Variants in SEC62 observed in about 807,000 individuals in gnomAD.
The protein encoded by SEC62 is translocation protein SEC62.
Under a neutral mutation model 47.5 loss-of-function variants are expected in SEC62, and 10 were observed. The ratio of observed to expected loss-of-function variants is 0.21; its 90% CI spans 0.13 to 0.36. The LOEUF is 0.36. Ranked by LOEUF, SEC62 falls within the 10% of genes least tolerant of loss-of-function variation. The pLI is 1.00. For missense variants in SEC62, 327 were observed against 464.1 expected (o/e 0.70, Z 2.71); for synonymous variants, 136 against 150.5 (o/e 0.90, Z 0.71).
intron 3 of SEC62, among the ~76,000 whole-genome samples, chr3:169,980,952 T>C (rs3772180): frequency 0.29 from 43,874 of 152,062 alleles, 7,691 homozygotes; most frequent in African/African-American, 0.49. Context: ...CTGGAAATCA[T>C]ATAAGTGCAC....
intron 3 of SEC62, among the ~76,000 whole-genome samples, chr3:169,979,535 G>A (rs554282187): frequency 4.0e-4 from 61 of 152,152 alleles, no homozygotes; most frequent in African/African-American, 1.3e-3. Flanking sequence ...CAGTTATGTC[G>A]TCCTCAGTCT....
Position 169,992,536 on chromosome 3 carries a change from T to A in SEC62, c.731-58T>A. The A allele has an allele frequency of 8.7e-7, 1 of 1,146,524 alleles. No individual in the cohort carries two copies. The highest frequency in any genetic ancestry group is 1.3e-6 in the Non-Finnish European group (1 of 787,570). The allele number at this position is 1,146,524 out of a possible 1,614,324, so 71.0% of individuals were successfully genotyped here. Reference sequence around the variant, plus strand: ...GTTTTCCCAGCTTTTTATTAACAAATACTCCCTTCTGAGGCAGTGTTTGAA... The same window carrying A: ...GTTTTCCCAGCTTTTTATTAACAAAAACTCCCTTCTGAGGCAGTGTTTGAA... On this transcript the variant is annotated intron_variant, in intron 7 of 7. Coordinates refer to ENST00000337002, the MANE Select transcript of SEC62 (RefSeq NM_003262.4). This position sits in a 1 kb window ranked among gnomAD's most constrained non-coding sequence, Gnocchi z 4.0.
rs1238633808 is a variant in SEC62, at chr3:169,997,500, C to T, written c.*4437C>T. The T allele has an allele frequency of 6.6e-6, 1 of 152,408 alleles. No homozygotes were observed. Among genetic ancestry groups the T allele is most frequent in the East Asian group, 1.9e-4 (1 of 5,200 alleles). 9.4% of individuals were successfully genotyped at this position (152,408 alleles called of 1,614,324 possible). On this transcript the variant is annotated 3_prime_UTR_variant, in exon 8 of 8. Transcript: ENST00000337002. ...TGTTTGTTTGAGATGGAGTCTCACTCTGTCACCCAGGCTGGAGTGCAGTGG... is the reference window on the plus strand; with the variant it reads ...TGTTTGTTTGAGATGGAGTCTCACTTTGTCACCCAGGCTGGAGTGCAGTGG...
intron 7 of SEC62, 90 bp downstream of exon 7, chr3:169,988,449 A>G: frequency 7.2e-7 from 1 of 1,380,510 alleles, no homozygotes; most frequent in Non-Finnish European, 1.0e-6. Flanking sequence ...CTTAAGAAAA[A>G]TTAATGGAGG....
chr3:169,968,949 C>G (rs543347720), intron 1 of SEC62, among the ~76,000 whole-genome samples: 23 of 152,250 alleles, frequency 1.5e-4, no homozygotes, highest in Admixed American at 3.3e-4. Flanking sequence ...GCCTAACACA[C>G]TTATGAAAAT....
rs191362539 is a variant in SEC62 at position 169,980,500 on chromosome 3, A to G, written c.252-2207A>G. ...TTATTTTCAACACAATTTGATTGAA[A>G]GTTAATAATCTACTTTTCTTTCGTG... On this transcript the variant is annotated intron_variant, in intron 3 of 7. Transcript: ENST00000337002. Among the ~76,000 whole-genome samples, 158 of 152,320 alleles carry G rather than the reference A, an allele frequency of 1.0e-3. 1 individual carries two copies. The highest frequency in any genetic ancestry group is 3.7e-3 in the African/African-American group (152 of 41,584).
At position 169,994,814 on chromosome 3, in the gene SEC62, C is replaced by T. The variant is rs978868387; in HGVS notation, c.*1751C>T. 7.9e-5 allele frequency: 12 copies of T among 152,020 alleles called. No homozygotes were observed. The highest frequency in any genetic ancestry group is 1.6e-4 in the Non-Finnish European group (11 of 67,980). The allele number at this position is 152,020 out of a possible 1,614,324, so 9.4% of individuals were successfully genotyped here. On this transcript the variant is annotated 3_prime_UTR_variant, in exon 8 of 8. Transcript: ENST00000337002. ...TACTATTACTGTGATAATACCCAGG[C>T]ACTCAATATTCATCCTGAAATTTTT...
At chr3:169,989,601 A>G (rs1434930766) in intron 7 of SEC62, among the ~76,000 whole-genome samples, 4 of 151,792 alleles carry the variant, frequency 2.6e-5, no homozygotes, top group African/African-American at 9.7e-5. Flanking sequence ...AAATTTAGAA[A>G]CTCCTTGGAA....
chr3:169,966,838 A>C lies in SEC62; in HGVS notation c.16A>C (p.Arg6=), dbSNP rs1454769251. The C allele has an allele frequency of 2.1e-5, 33 of 1,555,678 alleles. No homozygotes were observed. Among genetic ancestry groups the C allele is most frequent in the Non-Finnish European group, 2.7e-5 (31 of 1,149,414 alleles). MAERR[R]HKKRIQEVGE... ...AGCGGCCAACATGGCGGAACGCAGG[A>C]GACACAAGAAGCGGATCCAGGTAGC... Residue 6 remains arginine, a synonymous_variant, in exon 1 of 8, where the codon AGA becomes CGA. Transcript: ENST00000337002.
chr3:169,994,039 A>C lies in SEC62; in HGVS notation c.*976A>C, dbSNP rs1305522248. On this transcript the variant is annotated 3_prime_UTR_variant, in exon 8 of 8. Coordinates refer to ENST00000337002, the MANE Select transcript of SEC62 (RefSeq NM_003262.4). ...GACTTAAAGTAGCTTTGTACGCCTT[A>C]ATGTTCATTTTGATTTATTTTAAAT... is the stretch of plus-strand genomic sequence containing the variant. The C allele has an allele frequency of 6.6e-6, 1 of 152,604 alleles. No homozygotes were observed. Among genetic ancestry groups the C allele is most frequent in the South Asian group, 2.1e-4 (1 of 4,832 alleles). 9.5% of individuals were successfully genotyped at this position (152,604 alleles called of 1,614,324 possible). A position where few individuals can be genotyped will look rare whatever the true frequency, so the allele number is the denominator to read the frequency against.
intron 3 of SEC62, among the ~76,000 whole-genome samples, chr3:169,981,579 G>A (rs1347515034): frequency 2.0e-5 from 3 of 152,178 alleles, no homozygotes; most frequent in Admixed American, 6.6e-5. Context: ...ATCAAAGCAG[G>A]AATGGAGAAA....
rs142871056 is a variant in SEC62, at chr3:169,982,788, T to G, written c.333T>G (p.Asp111Glu). The change falls in exon 4 of 8, where the codon GAT (aspartate) becomes GAG (glutamate). Residue 111 changes from aspartate (D) to glutamate (E), a missense_variant. This residue lies in a region of SEC62 where 126 missense variants were observed against 161.2 expected (regional missense o/e 0.78). Transcript: ENST00000337002. ...ATAAAGACATAAAGAAAGAAAAAGA[T>G]AAAGGAAAAGCTGAAAGTGGAAAAG... The part of the protein sequence containing the change: ...KYDKDIKKEK[D>E]KGKAESGKEE... 1 of 1,561,680 alleles carries G rather than the reference T, an allele frequency of 6.4e-7. No individual in the cohort carries two copies. Among genetic ancestry groups the G allele is most frequent in the East Asian group, 2.3e-5 (1 of 42,886 alleles).
chr3:169,983,309 T>C, intron 5 of SEC62, 56 bp downstream of exon 5: 1 of 1,179,528 alleles, frequency 8.5e-7, no homozygotes, highest in East Asian at 2.5e-5. Context: ...TTTAGAAAGA[T>C]GTTTGATGCC....
rs1044148037 is a variant in SEC62 at position 169,966,834 on chromosome 3, C to G, written c.12C>G (p.Arg4=). 1.3e-6 allele frequency: 2 copies of G among 1,555,344 alleles called. No individual in the cohort carries two copies. The highest frequency in any genetic ancestry group is 1.9e-5 in the Admixed American group (1 of 51,424). MAE[R]RRHKKRIQEV... is the part of the protein sequence containing the mutation. ...GCGGAGCGGCCAACATGGCGGAACG[C>G]AGGAGACACAAGAAGCGGATCCAGG... Residue 4 remains arginine (R), a synonymous_variant, in exon 1 of 8, where the codon CGC becomes CGG. Transcript: ENST00000337002.
intron 1 of SEC62, 183 bp from the exon 2 acceptor site, chr3:169,975,425 C>T (rs879461640): frequency 4.0e-5 from 18 of 454,084 alleles, no homozygotes; most frequent in Middle Eastern, 6.0e-4. Flanking sequence ...ATTTGAAAAA[C>T]GTAGTTTCTT....
intron 7 of SEC62, among the ~76,000 whole-genome samples, chr3:169,991,451 A>G (rs954623877): frequency 1.3e-5 from 2 of 152,112 alleles, no homozygotes; most frequent in East Asian, 3.9e-4. Flanking sequence ...AGATTAGATA[A>G]ATAAATGATA....
chr3:169,977,980 T>C lies in SEC62; in HGVS notation c.251+929T>C, dbSNP rs114909388. On this transcript the variant is annotated intron_variant, in intron 3 of 7. Transcript: ENST00000337002. ...AGACTAGAGGTTACTAACAGACCTTTTAGAAACAGTAGGTTTCGGCCAGGC... is the reference window on the plus strand; with the variant it reads ...AGACTAGAGGTTACTAACAGACCTTCTAGAAACAGTAGGTTTCGGCCAGGC... Among the ~76,000 whole-genome samples the C allele has an allele frequency of 5.7e-3, 865 of 152,314 alleles. 8 individuals carry two copies. The highest frequency in any genetic ancestry group is 0.02 in the African/African-American group (828 of 41,578).
chr3:169,992,589 C>G lies in SEC62; in HGVS notation c.731-5C>G. On this transcript the variant is annotated splice_region_variant and splice_polypyrimidine_tract_variant and intron_variant, in intron 7 of 7. Transcript: ENST00000337002. This position sits in a 1 kb window ranked among gnomAD's most constrained non-coding sequence, Gnocchi z 4.0. ...ACTCAATTAGAGAAATTTTTCTCCCCACAGCTCGATGCATTCTATTTCTCA... is the reference window on the plus strand; with the variant it reads ...ACTCAATTAGAGAAATTTTTCTCCCGACAGCTCGATGCATTCTATTTCTCA... 1 of 1,603,444 alleles carries G rather than the reference C, an allele frequency of 6.2e-7. No homozygotes were observed. Among genetic ancestry groups the G allele is most frequent in the Non-Finnish European group, 8.5e-7 (1 of 1,175,460 alleles).
rs2108292366 is a variant in SEC62 at position 169,997,548 on chromosome 3, C to A, written c.*4485C>A. On this transcript the variant is annotated 3_prime_UTR_variant, in exon 8 of 8. Transcript: ENST00000337002. ...TGGCGAAATCTCAGCTCACTGCAACCTCCGCCTCCTGAGGTTCAAGTGATC... is the reference window on the plus strand; with the variant it reads ...TGGCGAAATCTCAGCTCACTGCAACATCCGCCTCCTGAGGTTCAAGTGATC... The A allele has an allele frequency of 6.6e-6, 1 of 152,336 alleles. No homozygotes were observed. Among genetic ancestry groups the A allele is most frequent in the South Asian group, 2.1e-4 (1 of 4,834 alleles). 9.4% of individuals were successfully genotyped at this position (152,336 alleles called of 1,614,324 possible). A position where few individuals can be genotyped will look rare whatever the true frequency, so the allele number is the denominator to read the frequency against.
Sources: allele counts gnomAD v4.1 joint callset (sites outside exome capture counted in the v4.1 genomes callset), GRCh38; gene constraint gnomAD v4.1.1; regional missense constraint gnomAD v4.1.1; non-coding constraint Gnocchi (gnomAD v3.1); transcripts MANE v1.5; gene names NCBI Gene and HGNC (gene_info 2026-07-23, HGNC 2026-07-21).